EPS15: variants seen among roughly 807,000 people sequenced by gnomAD.
The protein encoded by EPS15 is epidermal growth factor receptor substrate 15.
In EPS15, 72 loss-of-function variants were observed where a neutral mutation model predicts 113.8. That is an observed-to-expected ratio of 0.63 (90% CI 0.52 to 0.77). EPS15 has a LOEUF of 0.77. Among genes scored for constraint, EPS15 ranks in the 30% least tolerant of loss-of-function variants. The probability of loss-of-function intolerance (pLI) is 0.00; values close to 1 mark genes in which losing one functional copy is unlikely to be tolerated. For synonymous variants in EPS15, 344 were observed against 363.4 expected, an observed-to-expected ratio of 0.95 and a Z score of 0.61; for missense variants, 1,048 against 1,045.8, an observed-to-expected ratio of 1.00 and a Z score of -0.03.
At chr1:51,479,256 G>T (rs1322161455) in intron 2 of EPS15, among the ~76,000 whole-genome samples, 1 of 152,162 alleles carries the variant, frequency 6.6e-6, no homozygotes, top group Non-Finnish European at 1.5e-5. Context: ...GGCTACTGAA[G>T]CTTGTGCTTG....
chr1:51,467,466 C>G (rs1239537923), intron 5 of EPS15, among the ~76,000 whole-genome samples: 1 of 152,018 alleles, frequency 6.6e-6, no homozygotes, highest in African/African-American at 2.4e-5. Flanking sequence ...TAAACATAAG[C>G]AAAGAAATAC....
In EPS15 at chr1:51,485,353, A is replaced by C. The variant is rs895803662; in HGVS notation, c.34-4039T>G. Among the ~76,000 whole-genome samples the C allele has an allele frequency of 3.3e-5, 5 of 152,242 alleles. No individual in the cohort carries two copies. In the South Asian group the frequency reaches 1.0e-3, roughly 32 times the overall value. On this transcript the variant is annotated intron_variant, in intron 1 of 24. Transcript: ENST00000371733. ...CTTTATAAATCCAATCAATGTCTCAATAGTGAGTCTTTTTAAAAATAAGTC... is the reference window on the plus strand; with the variant it reads ...CTTTATAAATCCAATCAATGTCTCACTAGTGAGTCTTTTTAAAAATAAGTC...
rs376880414 is a variant in EPS15, at chr1:51,444,876, T to C, written c.954+13A>G. ...AAATTAATACATTCAGGTTTCCTTTTAAGCTTTCTTACCTTTTGTAAACTG... is the reference window on the plus strand; with the variant it reads ...AAATTAATACATTCAGGTTTCCTTTCAAGCTTTCTTACCTTTTGTAAACTG... On this transcript the variant is annotated intron_variant, in intron 11 of 24. Coordinates refer to ENST00000371733, the MANE Select transcript of EPS15 (RefSeq NM_001981.3). 6.2e-7 allele frequency: 1 copy of C among 1,609,240 alleles called. No individual in the cohort carries two copies. Among genetic ancestry groups the C allele is most frequent in the Admixed American group, 1.7e-5 (1 of 59,004 alleles).
chr1:51,498,098 TAAC>T (rs1265120149), intron 1 of EPS15, among the ~76,000 whole-genome samples: 11 of 152,022 alleles, frequency 7.2e-5, no homozygotes, highest in Non-Finnish European at 1.5e-4. Flanking sequence ...GTCGATAAGA[TAAC>T]AATGTCACTT....
intron 8 of EPS15, among the ~76,000 whole-genome samples, chr1:51,453,163 C>G (rs1295764431): frequency 6.6e-6 from 1 of 152,176 alleles, no homozygotes; most frequent in Non-Finnish European, 1.5e-5. Flanking sequence ...CAGAATGGCA[C>G]TGAGCTAAGA....
At chr1:51,513,862 C>T (rs139874528) in intron 1 of EPS15, among the ~76,000 whole-genome samples, 1 of 152,180 alleles carries the variant, frequency 6.6e-6, no homozygotes, top group Non-Finnish European at 1.5e-5. Flanking sequence ...AGGATGAAAA[C>T]TAAGTGTAGA....
intron 1 of EPS15, among the ~76,000 whole-genome samples, chr1:51,491,695 T>TG (rs896570682): frequency 5.9e-4 from 89 of 151,566 alleles, no homozygotes; most frequent in African/African-American, 2.1e-3. Flanking sequence ...AAAGCTAGGG[T>TG]GGAGGGCGTG....
At chr1:51,449,554 T>C (rs745701828) in intron 8 of EPS15, among the ~76,000 whole-genome samples, 4 of 149,382 alleles carry the variant, frequency 2.7e-5, no homozygotes, top group Non-Finnish European at 5.9e-5. Flanking sequence ...AACCTGTACA[T>C]GTACCCCTGA....
chr1:51,388,688 A>G (rs926116315), intron 21 of EPS15, among the ~76,000 whole-genome samples: 3 of 152,112 alleles, frequency 2.0e-5, no homozygotes, highest in African/African-American at 7.2e-5. Flanking sequence ...TACTACAAAC[A>G]CCTCTATGCA....
At chr1:51,463,487 T>G (rs1654626543) in intron 7 of EPS15, 186 bp downstream of exon 7, 1 of 452,420 alleles carries the variant, frequency 2.2e-6, no homozygotes, top group African/African-American at 2.0e-5. Flanking sequence ...TTACAGGGAA[T>G]AACCAAATAC....
intron 12 of EPS15, among the ~76,000 whole-genome samples, chr1:51,430,158 T>C (rs1651589491): frequency 6.6e-6 from 1 of 152,208 alleles, no homozygotes; most frequent in Non-Finnish European, 1.5e-5. Context: ...TCTGCTTATC[T>C]TAGGAACTGT....
chr1:51,511,570 G>A (rs991603550), intron 1 of EPS15, among the ~76,000 whole-genome samples: 26 of 152,120 alleles, frequency 1.7e-4, no homozygotes, highest in Non-Finnish European at 2.9e-4. Flanking sequence ...TAATCCTCTA[G>A]GAAATATTTG....
At chr1:51,489,252 GA>G (rs1403396423) in intron 1 of EPS15, among the ~76,000 whole-genome samples, 12 of 144,988 alleles carry the variant, frequency 8.3e-5, no homozygotes, top group African/African-American at 2.6e-4. Context: ...ACTTTACTAA[GA>G]AAAAAATTTT....
chr1:51,460,473 A>C (rs112826610), intron 8 of EPS15, among the ~76,000 whole-genome samples: 2 of 152,354 alleles, frequency 1.3e-5, no homozygotes, highest in Non-Finnish European at 2.9e-5. Flanking sequence ...ATTTGAAGCA[A>C]AATTATTCCA....
chr1:51,423,220 G>A (rs551939879), intron 12 of EPS15: 102 of 1,288,754 alleles, frequency 7.9e-5, no homozygotes, highest in Non-Finnish European at 1.0e-4. Flanking sequence ...TTTGTCAGAT[G>A]GGTCGCAATG....
chr1:51,448,660 A>G (rs950847546), intron 8 of EPS15, among the ~76,000 whole-genome samples: 2 of 152,228 alleles, frequency 1.3e-5, no homozygotes, highest in African/African-American at 2.4e-5. Flanking sequence ...TCAAAGTTTC[A>G]TAATATACTT....
At chr1:51,517,919 A>G (rs775116378) in intron 1 of EPS15, among the ~76,000 whole-genome samples, 6 of 152,196 alleles carry the variant, frequency 3.9e-5, no homozygotes, top group Non-Finnish European at 7.3e-5. Context: ...AAAGCACCCC[A>G]AAGCCTCTTG....
chr1:51,519,186 C>T lies in EPS15; in HGVS notation c.33+13G>A. 1.4e-6 allele frequency: 2 copies of T among 1,418,614 alleles called. No homozygotes were observed. The highest frequency in any genetic ancestry group is 1.9e-6 in the Non-Finnish European group (2 of 1,073,930). The allele number at this position is 1,418,614 out of a possible 1,614,324, so 87.9% of individuals were successfully genotyped here. ...CGGCCGGCCAAGCCCGGCGGACGGGCGTGTGGCGTTACCTGTGTCAGAGAG... is the reference window on the plus strand; with the variant it reads ...CGGCCGGCCAAGCCCGGCGGACGGGTGTGTGGCGTTACCTGTGTCAGAGAG... On this transcript the variant is annotated intron_variant, in intron 1 of 24. Transcript: ENST00000371733.
At chr1:51,402,599 A>C in intron 17 of EPS15, 74 bp from the exon 18 acceptor site, 1 of 797,174 alleles carries the variant, frequency 1.3e-6, no homozygotes, top group Non-Finnish European at 2.0e-6. Flanking sequence ...AAATAAAATA[A>C]CACACATTCA....
Sources: gnomAD v4.1 joint callset for allele counts (sites outside exome capture counted in the v4.1 genomes callset) on GRCh38, gnomAD v4.1.1 for gene constraint, MANE v1.5 for transcripts, NCBI Gene and HGNC (gene_info 2026-07-23, HGNC 2026-07-21) for gene names.